KCNQ1: variants seen among roughly 807,000 people sequenced by gnomAD.
KCNQ1 encodes the protein potassium voltage-gated channel subfamily Q member 1, also known as potassium voltage-gated channel subfamily KQT member 1.
In KCNQ1, 49 loss-of-function variants were observed where a neutral mutation model predicts 72.4. That is an observed-to-expected ratio of 0.68 (90% confidence interval 0.54 to 0.86). The LOEUF is 0.86. Among genes scored for constraint, KCNQ1 ranks in the 40% least tolerant of loss-of-function variants. KCNQ1 has a pLI of 0.00. For missense variants in KCNQ1, 790 were observed against 945.1 expected (o/e 0.84, Z 2.15); for synonymous variants, 450 against 412.6 (o/e 1.09, Z -1.10).
rs1177992831 is a variant in KCNQ1, at chr11:2,515,923, C to A, written c.387-12005C>A. 6.6e-6 allele frequency among the ~76,000 whole-genome samples: 1 copy of A among 151,948 alleles called. No homozygotes were observed. The highest frequency in any genetic ancestry group is 1.5e-5 in the Non-Finnish European group (1 of 67,988). The stretch of plus-strand genomic sequence containing the variant: ...CCCAGAGCCTGGCCACCCCTGTCCT[C>A]TGCTGAGGCCCTGACCACCTCTATG... On this transcript the variant is annotated intron_variant, in intron 1 of 15. Transcript: ENST00000155840. This position sits in a 1 kb window ranked among gnomAD's most constrained non-coding sequence, Gnocchi z 4.7.
intron 11 of KCNQ1, among the ~76,000 whole-genome samples, chr11:2,749,503 C>A (rs746879294): frequency 1.0e-3 from 152 of 151,980 alleles, no homozygotes; most frequent in Non-Finnish European, 1.5e-3. Context: ...GAGGAGTTAA[C>A]ATGTGTTTAA....
In KCNQ1 at chr11:2,778,011, G is replaced by T; in HGVS notation, c.1768G>T (p.Ala590Ser). 1 of 1,613,654 alleles carries T rather than the reference G, an allele frequency of 6.2e-7. No homozygotes were observed. Among genetic ancestry groups the T allele is most frequent in the Non-Finnish European group, 8.5e-7 (1 of 1,180,008 alleles). Residue 590 changes from alanine to serine, a missense_variant, in exon 15 of 16, where the codon GCC (alanine) becomes TCC (serine). Around this residue, in one of 5 missense-constraint regions of KCNQ1, gnomAD observed 91 missense variants for 139.1 expected, o/e 0.65. Coordinates refer to ENST00000155840, the MANE Select transcript of KCNQ1 (RefSeq NM_000218.3). ...SKDRGSNTIG[A>S]RLNRVEDKVT... The stretch of plus-strand genomic sequence containing the variant: ...GGATCGCGGCAGCAACACGATCGGC[G>T]CCCGCCTGAACCGAGTAGAAGACAA...
At chr11:2,496,714 G>A (rs912248926) in intron 1 of KCNQ1, among the ~76,000 whole-genome samples, 1 of 151,852 alleles carries the variant, frequency 6.6e-6, no homozygotes, top group Non-Finnish European at 1.5e-5. Context: ...GTGTGAATTT[G>A]GTCCTGTCGT....
At chr11:2,717,858 C>G (rs137897157) in intron 11 of KCNQ1, among the ~76,000 whole-genome samples, 1 of 152,184 alleles carries the variant, frequency 6.6e-6, no homozygotes, top group Non-Finnish European at 1.5e-5. Flanking sequence ...CCCTCTCCCC[C>G]GATGGCCCAC....
intron 10 of KCNQ1, among the ~76,000 whole-genome samples, chr11:2,596,489 T>C (rs1039627978): frequency 2.6e-5 from 4 of 151,680 alleles, no homozygotes; most frequent in African/African-American, 7.3e-5. Context: ...AGTATATTCC[T>C]AAAATGGAAT....
At chr11:2,531,445 C>G (rs1847628843) in intron 2 of KCNQ1, among the ~76,000 whole-genome samples, 1 of 152,120 alleles carries the variant, frequency 6.6e-6, no homozygotes, top group Non-Finnish European at 1.5e-5. Context: ...CAGCCCTGCC[C>G]AGGCAGGAGG....
intron 10 of KCNQ1, chr11:2,649,373 A>G: frequency 2.5e-6 from 1 of 398,128 alleles, no homozygotes; most frequent in Non-Finnish European, 4.4e-6. Flanking sequence ...TATCTGCTCT[A>G]CTAGTGTTTT....
rs759814198 is a variant in KCNQ1, at chr11:2,848,508, T to G, written c.*505T>G. 5 of 455,172 alleles carry G rather than the reference T, an allele frequency of 1.1e-5. No homozygotes were observed. The highest frequency in any genetic ancestry group is 1.0e-4 in the African/African-American group (5 of 50,050). 28.2% of individuals were successfully genotyped at this position (455,172 alleles called of 1,614,324 possible). ...CCGGCAATAAAAGCCCAGGAGCCCA[T>G]TTGGAGGGCCTGGGCCTGGCTCCCT... On this transcript the variant is annotated 3_prime_UTR_variant, in exon 16 of 16. Transcript: ENST00000155840.
chr11:2,697,341 C>T (rs1850694768), intron 11 of KCNQ1: 1 of 398,486 alleles, frequency 2.5e-6, no homozygotes, highest in African/African-American at 2.1e-5. Flanking sequence ...ATGAGCTACA[C>T]TAAGTTTTAT....
At position 2,735,161 on chromosome 11, in the gene KCNQ1, C is replaced by T. The variant is rs1773610079; in HGVS notation, c.1515-33683C>T. Among the ~76,000 whole-genome samples the T allele has an allele frequency of 6.6e-6, 1 of 152,194 alleles. No individual in the cohort carries two copies. The highest frequency in any genetic ancestry group is 2.4e-5 in the African/African-American group (1 of 41,446). Reference sequence around the variant, plus strand: ...ACCTGACAGCAGCGCCGCAGCAGGACAGGGAGGGACTGTGTGTGAGAGCCA... The same window carrying T: ...ACCTGACAGCAGCGCCGCAGCAGGATAGGGAGGGACTGTGTGTGAGAGCCA... On this transcript the variant is annotated intron_variant, in intron 11 of 15. Coordinates refer to ENST00000155840, the MANE Select transcript of KCNQ1 (RefSeq NM_000218.3). The surrounding 1 kb of genome is among the most constrained non-coding windows in gnomAD (Gnocchi z 7.7).
Position 2,847,831 on chromosome 11 carries a change from A to ACGGTGGCAGCACCCCCGG in KCNQ1, c.1861_1878dup (p.Gly621_Gly626dup), listed in dbSNP as rs1396923214. 1.3e-6 allele frequency: 2 copies of ACGGTGGCAGCACCCCCGG among 1,568,542 alleles called. No homozygotes were observed. Among genetic ancestry groups the ACGGTGGCAGCACCCCCGG allele is most frequent in the South Asian group, 2.3e-5 (2 of 85,434 alleles). ...ATGCTTCACCAGCTGCTCTCCTTGC[A>ACGGTGGCAGCACCCCCGG]CGGTGGCAGCACCCCCGGCAGCGGC... On this transcript the variant is annotated inframe_insertion, in exon 16 of 16. Transcript: ENST00000155840.
Position 2,651,351 on chromosome 11 carries a change from G to A in KCNQ1, c.1394-10610G>A. On this transcript the variant is annotated intron_variant, in intron 10 of 15. Transcript: ENST00000155840. The surrounding 1 kb of genome is among the most constrained non-coding windows in gnomAD (Gnocchi z 6.1). ...GTTCTACAAGCGGCTGAGAGAGCTG[G>A]GGTATTTATCTTTCACTAGTGAGTG... 1 of 398,702 alleles carries A rather than the reference G, an allele frequency of 2.5e-6. No individual in the cohort carries two copies. The highest frequency in any genetic ancestry group is 4.4e-6 in the Non-Finnish European group (1 of 226,138). 24.7% of individuals were successfully genotyped at this position (398,702 alleles called of 1,614,324 possible).
intron 10 of KCNQ1, chr11:2,630,715 C>A (rs563649698): frequency 2.5e-6 from 1 of 398,388 alleles, no homozygotes; most frequent in East Asian, 3.6e-5. Flanking sequence ...TAATTATCAT[C>A]CTTCCATTTA....
chr11:2,777,974 A>G lies in KCNQ1; in HGVS notation c.1733-2A>G, dbSNP rs2133992122. ...CTGATTTGGGTGTTTTATCCCCCATAGAAAAGAGCAAGGATCGCGGCAGCA... is the reference window on the plus strand; with the variant it reads ...CTGATTTGGGTGTTTTATCCCCCATGGAAAAGAGCAAGGATCGCGGCAGCA... On this transcript the variant is annotated splice_acceptor_variant, in intron 14 of 15. Transcript: ENST00000155840. LOFTEE classifies it high-confidence loss of function. 6.2e-7 allele frequency: 1 copy of G among 1,613,774 alleles called. No homozygotes were observed. The highest frequency in any genetic ancestry group is 8.5e-7 in the Non-Finnish European group (1 of 1,179,982).
rs189071558 is a variant in KCNQ1, at chr11:2,667,686, G to A, written c.1514+5605G>A. On this transcript the variant is annotated intron_variant, in intron 11 of 15. Coordinates refer to ENST00000155840, the MANE Select transcript of KCNQ1 (RefSeq NM_000218.3). ...GCAGAGCCTCTGGAGGCTGAAGCAC[G>A]GAGGTGACCTAGTCAGGAAGTCTGG... 1.5e-3 allele frequency: 588 copies of A among 398,724 alleles called. 2 individuals are homozygous for A. Among genetic ancestry groups the A allele is most frequent in the African/African-American group, 8.9e-3 (435 of 48,738 alleles). The allele number at this position is 398,724 out of a possible 1,614,324, so 24.7% of individuals were successfully genotyped here.
At chr11:2,513,286 A>T (rs1307393909) in intron 1 of KCNQ1, among the ~76,000 whole-genome samples, 1 of 152,152 alleles carries the variant, frequency 6.6e-6, no homozygotes, top group African/African-American at 2.4e-5. Context: ...TGATATGGCC[A>T]CGCAGAGACT....
At position 2,578,837 on chromosome 11, in the gene KCNQ1, T is replaced by G. The variant is rs138418632; in HGVS notation, c.922-4598T>G. 3.8e-3 allele frequency among the ~76,000 whole-genome samples: 575 copies of G among 152,306 alleles called. 5 individuals are homozygous for G. The highest frequency in any genetic ancestry group is 0.018 in the East Asian group (91 of 5,176). On this transcript the variant is annotated intron_variant, in intron 6 of 15. Transcript: ENST00000155840. ...TCTTAGCCCATCTCTGCCTTCGGGG[T>G]GGCCACAGCGGGGAACGTGGGTCCT...
chr11:2,520,668 T>A (rs1847366731), intron 1 of KCNQ1, among the ~76,000 whole-genome samples: 1 of 152,134 alleles, frequency 6.6e-6, no homozygotes, highest in South Asian at 2.1e-4. Context: ...GGCAGCCACA[T>A]CAGGGATGGA....
In KCNQ1 at chr11:2,734,415, CG is replaced by C. The variant is rs1845918410; in HGVS notation, c.1515-34424del. On this transcript the variant is annotated intron_variant, in intron 11 of 15. Coordinates refer to ENST00000155840, the MANE Select transcript of KCNQ1 (RefSeq NM_000218.3). This position sits in a 1 kb window ranked among gnomAD's most constrained non-coding sequence, Gnocchi z 7.0. The stretch of plus-strand genomic sequence containing the variant: ...TCACAGCCCCCCGGCCACCGCAGGT[CG>C]GGGGAGCACTGTCCCCGGGGCCCCG... Among the ~76,000 whole-genome samples the C allele has an allele frequency of 1.3e-5, 2 of 152,204 alleles. No homozygotes were observed. The highest frequency in any genetic ancestry group is 4.1e-4 in the South Asian group (2 of 4,836).
Sources: gnomAD v4.1 joint callset for allele counts (sites outside exome capture counted in the v4.1 genomes callset) on GRCh38, gnomAD v4.1.1 for gene constraint, gnomAD v4.1.1 regional missense constraint, Gnocchi (gnomAD v3.1) non-coding constraint, MANE v1.5 for transcripts, NCBI Gene and HGNC (gene_info 2026-07-23, HGNC 2026-07-21) for gene names.